Variants in PARVA observed in about 807,000 individuals in gnomAD.
The protein encoded by PARVA is alpha-parvin.
PARVA carries 25 observed loss-of-function variants against 52.6 expected under a neutral mutation model. The observed-to-expected ratio is 0.48, with a 90% CI of 0.35 to 0.66. PARVA has a LOEUF of 0.66. Ranked by LOEUF, PARVA falls within the 30% of genes least tolerant of loss-of-function variation. The pLI is 0.01. For missense variants in PARVA, 373 were observed against 450.9 expected, an observed-to-expected ratio of 0.83 and a Z score of 1.56; for synonymous variants, 185 against 179.1, an observed-to-expected ratio of 1.03 and a Z score of -0.26.
At chr11:12,484,907 G>A (rs149567963) in intron 4 of PARVA, among the ~76,000 whole-genome samples, 129 of 150,236 alleles carry the variant, frequency 8.6e-4, no homozygotes, top group African/African-American at 3.1e-3. Context: ...TGACCTCCCT[G>A]GGCTCAGGAG....
At chr11:12,479,008 C>T (rs1194434711) in intron 4 of PARVA, 1 of 152,284 alleles carries the variant, frequency 6.6e-6, no homozygotes, top group Non-Finnish European at 1.5e-5. Context: ...ACACATGTGG[C>T]TCATCCGTGT....
chr11:12,481,533 C>T (rs551471793), intron 4 of PARVA, among the ~76,000 whole-genome samples: 68 of 152,080 alleles, frequency 4.5e-4, no homozygotes, highest in African/African-American at 1.2e-3. Flanking sequence ...ACTTCTCCAA[C>T]GAGCCCTGAT....
intron 6 of PARVA, among the ~76,000 whole-genome samples, chr11:12,504,772 T>TA (rs1941413015): frequency 1.2e-5 from 1 of 80,906 alleles, no homozygotes; most frequent in Admixed American, 1.6e-4. Context: ...GAAAGGTATG[T>TA]GGGTGTGTGT....
intron 1 of PARVA, among the ~76,000 whole-genome samples, chr11:12,441,132 G>C (rs749758929): frequency 1.1e-4 from 17 of 152,190 alleles, no homozygotes; most frequent in Non-Finnish European, 2.2e-4. Context: ...CAACTAAAGA[G>C]TAATGGCCCA....
chr11:12,453,238 G>T (rs1167933079), intron 1 of PARVA, among the ~76,000 whole-genome samples: 2 of 151,960 alleles, frequency 1.3e-5, no homozygotes, highest in Non-Finnish European at 2.9e-5. Context: ...GGTAGGTGGG[G>T]GTGTCTGATA....
At chr11:12,380,119 C>T in intron 1 of PARVA, among the ~76,000 whole-genome samples, 1 of 152,288 alleles carries the variant, frequency 6.6e-6, no homozygotes, top group Non-Finnish European at 1.5e-5. Context: ...TCCTCTATTC[C>T]TCACAGACAT....
chr11:12,392,046 A>T (rs182102441), intron 1 of PARVA, among the ~76,000 whole-genome samples: 1 of 152,148 alleles, frequency 6.6e-6, no homozygotes, highest in African/African-American at 2.4e-5. Context: ...CCAAGTTGTC[A>T]CTAATCTACT....
chr11:12,464,273 A>AG (rs1940825324), intron 1 of PARVA, among the ~76,000 whole-genome samples: 1 of 152,208 alleles, frequency 6.6e-6, no homozygotes, highest in African/African-American at 2.4e-5. Flanking sequence ...ATATTAAGTT[A>AG]AACATAAGTT....
upstream of PARVA, chr11:12,377,558 A>G: frequency 6.7e-7 from 1 of 1,487,118 alleles, no homozygotes; most frequent in Non-Finnish European, 9.0e-7. Context: ...TCCGTTTGGA[A>G]AGCCGCAGCC....
chr11:12,423,810 A>G (rs10765947), intron 1 of PARVA, among the ~76,000 whole-genome samples: 117,169 of 152,156 alleles, frequency 0.77, 48,931 homozygotes, highest in Non-Finnish European at 0.92. Context: ...TGGAATCACT[A>G]TTTTAGTAGA....
intron 1 of PARVA, among the ~76,000 whole-genome samples, chr11:12,406,510 T>A (rs1240228972): frequency 6.6e-6 from 1 of 151,962 alleles, no homozygotes; most frequent in Non-Finnish European, 1.5e-5. Flanking sequence ...ATTTTGATTT[T>A]TTTTTTTACT....
At chr11:12,445,454 T>C (rs570318331) in intron 1 of PARVA, among the ~76,000 whole-genome samples, 1 of 152,218 alleles carries the variant, frequency 6.6e-6, no homozygotes, top group East Asian at 1.9e-4. Context: ...CCAGATTTCT[T>C]GGGGTACTTC....
At chr11:12,524,767 G>A (rs1272038192) in intron 12 of PARVA, among the ~76,000 whole-genome samples, 4 of 152,158 alleles carry the variant, frequency 2.6e-5, no homozygotes, top group African/African-American at 9.7e-5. Flanking sequence ...TTCATTCATG[G>A]ATCTGTTAAT....
At chr11:12,433,559 T>C (rs759822024) in intron 1 of PARVA, among the ~76,000 whole-genome samples, 3 of 152,186 alleles carry the variant, frequency 2.0e-5, no homozygotes, top group Non-Finnish European at 4.4e-5. Flanking sequence ...TAAAGAGAAA[T>C]AAAAGAGGCA....
chr11:12,484,504 GGTGTGTGTGTGT>G (rs35501237), intron 4 of PARVA, among the ~76,000 whole-genome samples: 20,214 of 144,516 alleles, frequency 0.14, 1,452 homozygotes, highest in South Asian at 0.24. Context: ...GTTTTGTTTT[GGTGTGTGTGTGT>G]GTGTGTGTGT....
At chr11:12,518,370 C>A (rs1941596878) in intron 11 of PARVA, 75 bp from the exon 12 acceptor site, 1 of 1,087,010 alleles carries the variant, frequency 9.2e-7, no homozygotes, top group East Asian at 2.4e-5. Context: ...GTGCTGGGCT[C>A]CTTCACTTCC....
intron 10 of PARVA, among the ~76,000 whole-genome samples, chr11:12,517,187 A>G (rs571600073): frequency 2.1e-4 from 32 of 151,730 alleles, no homozygotes; most frequent in Admixed American, 4.6e-4. Flanking sequence ...CTTGTGGGCG[A>G]CCTTTCTCAA....
chr11:12,481,302 TTATTTTA>T (rs1298441867), intron 4 of PARVA, among the ~76,000 whole-genome samples: 1 of 152,200 alleles, frequency 6.6e-6, no homozygotes, highest in East Asian at 1.9e-4. Context: ...ATGGACATAT[TTATTTTA>T]TACTTTGGGT....
chr11:12,528,481 C>G lies in PARVA; in HGVS notation c.*556C>G, dbSNP rs1941731946. ...CTTCTCCCTAAAGGTAACCACTATT[C>G]TGAGTCCAATCATCAAGGTTTTGCT... On this transcript the variant is annotated 3_prime_UTR_variant, in exon 13 of 13. Coordinates refer to ENST00000334956, the MANE Select transcript of PARVA (RefSeq NM_018222.5). The G allele has an allele frequency of 6.4e-6, 1 of 155,602 alleles. No homozygotes were observed. The highest frequency in any genetic ancestry group is 1.4e-5 in the Non-Finnish European group (1 of 70,008). 9.6% of individuals were successfully genotyped at this position (155,602 alleles called of 1,614,324 possible). A position where few individuals can be genotyped will look rare whatever the true frequency, so the allele number is the denominator to read the frequency against.
Sources: gnomAD v4.1 joint callset for allele counts (sites outside exome capture counted in the v4.1 genomes callset) on GRCh38, gnomAD v4.1.1 for gene constraint, MANE v1.5 for transcripts, NCBI Gene and HGNC (gene_info 2026-07-23, HGNC 2026-07-21) for gene names.